Variants in ZBTB20 observed in about 807,000 individuals in gnomAD.
ZBTB20 encodes zinc finger and BTB domain-containing protein 20.
A neutral mutation model predicts 56.9 loss-of-function variants in ZBTB20; 9 were observed. The ratio of observed to expected loss-of-function variants is 0.16; its 90% CI spans 0.10 to 0.28. The LOEUF (loss-of-function observed/expected upper bound fraction) is 0.28, where lower values mean the gene tolerates loss of function less well. Ranked by LOEUF, ZBTB20 falls within the 10% of genes least tolerant of loss-of-function variation. The pLI, the probability that ZBTB20 is intolerant of heterozygous loss-of-function variation, is 1.00. For missense variants in ZBTB20, 655 were observed against 1,003.0 expected, an observed-to-expected ratio of 0.65 and a Z score of 4.69; for synonymous variants, 417 against 420.7, an observed-to-expected ratio of 0.99 and a Z score of 0.11.
intron 6 of ZBTB20, among the ~76,000 whole-genome samples, chr3:114,585,599 C>T (rs1490558657): frequency 6.6e-6 from 1 of 152,126 alleles, no homozygotes; most frequent in Non-Finnish European, 1.5e-5. Context: ...ACAAGGAATC[C>T]CTTCCATACT....
chr3:114,404,765 G>C (rs1450671775), intron 7 of ZBTB20, among the ~76,000 whole-genome samples: 1 of 152,030 alleles, frequency 6.6e-6, no homozygotes, highest in African/African-American at 2.4e-5. Context: ...ATCCTGACTA[G>C]GCACTCTGGT....
intron 7 of ZBTB20, among the ~76,000 whole-genome samples, chr3:114,479,591 T>G (rs1019868396): frequency 1.3e-5 from 2 of 152,254 alleles, no homozygotes; most frequent in African/African-American, 4.8e-5. Flanking sequence ...ATTTTCTTTT[T>G]TCTTATTTTC....
At chr3:114,950,808 G>A (rs889909379) in intron 3 of ZBTB20, among the ~76,000 whole-genome samples, 18 of 151,870 alleles carry the variant, frequency 1.2e-4, no homozygotes, top group Non-Finnish European at 2.2e-4. Context: ...AATAATAATA[G>A]AATTGTGATT....
chr3:115,054,466 T>C (rs1027565544), intron 2 of ZBTB20, among the ~76,000 whole-genome samples: 1 of 152,152 alleles, frequency 6.6e-6, no homozygotes, highest in Admixed American at 6.6e-5. Flanking sequence ...TCTCACATTT[T>C]TGCACTTACT....
At chr3:114,873,733 T>C (rs1035840255) in intron 4 of ZBTB20, among the ~76,000 whole-genome samples, 6 of 152,166 alleles carry the variant, frequency 3.9e-5, no homozygotes, top group African/African-American at 1.2e-4. Context: ...CATGTTCCCA[T>C]GAAGCTGAGC....
chr3:115,058,349 T>A (rs1046738674), intron 2 of ZBTB20, among the ~76,000 whole-genome samples: 1 of 152,202 alleles, frequency 6.6e-6, no homozygotes, highest in Admixed American at 6.5e-5. Context: ...GTATCATGTG[T>A]CTTGATGCCA....
At chr3:115,012,647 T>G (rs1258048810) in intron 2 of ZBTB20, among the ~76,000 whole-genome samples, 1 of 151,842 alleles carries the variant, frequency 6.6e-6, no homozygotes, top group Non-Finnish European at 1.5e-5. Context: ...ACTTTCAGCA[T>G]TGGACAGATC....
At chr3:114,791,102 T>C (rs2070929607) in intron 5 of ZBTB20, among the ~76,000 whole-genome samples, 1 of 152,140 alleles carries the variant, frequency 6.6e-6, no homozygotes, top group Admixed American at 6.6e-5. Context: ...TTCACATATA[T>C]CATTTGACTT....
intron 6 of ZBTB20, among the ~76,000 whole-genome samples, chr3:114,573,621 G>A (rs569400478): frequency 5.3e-5 from 8 of 151,730 alleles, no homozygotes; most frequent in Admixed American, 5.3e-4. Flanking sequence ...AAAAAATGAG[G>A]TTCTGGAACA....
At chr3:114,744,932 CAAAT>C (rs1245922843) in intron 5 of ZBTB20, among the ~76,000 whole-genome samples, 1 of 151,866 alleles carries the variant, frequency 6.6e-6, no homozygotes, top group African/African-American at 2.4e-5. Context: ...AAAAAGAACT[CAAAT>C]AAAAGGAGAT....
chr3:114,435,182 C>G (rs1006296911), intron 7 of ZBTB20, among the ~76,000 whole-genome samples: 1 of 151,996 alleles, frequency 6.6e-6, no homozygotes, highest in African/African-American at 2.4e-5. Context: ...GCAGCATTTC[C>G]TTTTATTATC....
intron 2 of ZBTB20, among the ~76,000 whole-genome samples, chr3:115,036,718 G>T (rs972532296): frequency 6.6e-6 from 1 of 152,064 alleles, no homozygotes. Flanking sequence ...CGGCCACTTT[G>T]TGATTTTTTA....
intron 2 of ZBTB20, chr3:115,027,455 C>T (rs987528550): frequency 6.6e-6 from 1 of 150,922 alleles, no homozygotes; most frequent in Non-Finnish European, 1.5e-5. Flanking sequence ...TTATCAACTA[C>T]CAATGTATTG....
chr3:114,657,800 GT>G (rs201434060), intron 6 of ZBTB20, among the ~76,000 whole-genome samples: 7 of 148,266 alleles, frequency 4.7e-5, no homozygotes, highest in East Asian at 3.9e-4. Context: ...TAATTGTGGT[GT>G]TTTTTTTTTA....
intron 5 of ZBTB20, among the ~76,000 whole-genome samples, chr3:114,774,404 C>T (rs1278112607): frequency 6.6e-6 from 1 of 152,164 alleles, no homozygotes; most frequent in Non-Finnish European, 1.5e-5. Context: ...GGAAGGATAG[C>T]TCCAATGACC....
intron 2 of ZBTB20, among the ~76,000 whole-genome samples, chr3:114,977,980 C>A: frequency 7.6e-6 from 1 of 131,960 alleles, no homozygotes. Flanking sequence ...CACTGTACTC[C>A]AGTATGGGCA....
chr3:114,542,411 T>C (rs1291515416), intron 6 of ZBTB20, among the ~76,000 whole-genome samples: 1 of 152,160 alleles, frequency 6.6e-6, no homozygotes, highest in African/African-American at 2.4e-5. Flanking sequence ...AAGTGCATTC[T>C]GGCAGGAATA....
At chr3:114,849,039 A>C (rs971931469) in intron 4 of ZBTB20, among the ~76,000 whole-genome samples, 3 of 152,254 alleles carry the variant, frequency 2.0e-5, no homozygotes, top group Non-Finnish European at 1.5e-5. Context: ...AAACCTGTAG[A>C]CAGAGTAGTC....
intron 6 of ZBTB20, among the ~76,000 whole-genome samples, chr3:114,651,265 G>A (rs2107998731): frequency 6.6e-6 from 1 of 152,072 alleles, no homozygotes. Flanking sequence ...ATTTGTTGGG[G>A]ACAGCTAGAA....
Sources: allele counts gnomAD v4.1 joint callset (sites outside exome capture counted in the v4.1 genomes callset), GRCh38; gene constraint gnomAD v4.1.1; transcripts MANE v1.5; gene names NCBI Gene and HGNC (gene_info 2026-07-23, HGNC 2026-07-21).